The following IRF2 variants were observed in gnomAD, a reference collection of about 807,000 sequenced individuals.
The protein encoded by IRF2 is interferon regulatory factor 2.
A neutral mutation model predicts 40.6 loss-of-function variants in IRF2; 15 were observed. The observed-to-expected ratio is 0.37, with a 90% confidence interval of 0.25 to 0.57. IRF2 has a LOEUF of 0.57. Among genes scored for constraint, IRF2 ranks in the 20% least tolerant of loss-of-function variants. IRF2 has a pLI of 0.77. For synonymous variants in IRF2, 151 were observed against 165.5 expected (o/e 0.91, Z 0.67); for missense variants, 317 against 455.7 (o/e 0.70, Z 2.77).
intron 1 of IRF2, among the ~76,000 whole-genome samples, chr4:184,447,981 C>T (rs1427250128): frequency 2.0e-5 from 3 of 152,110 alleles, no homozygotes; most frequent in South Asian, 2.1e-4. Context: ...TTCTGATGGC[C>T]GTGCCAGGGT....
rs1447797564 is a variant in IRF2, at chr4:184,388,808, C to T, written c.1000G>A (p.Val334Ile). 6.2e-7 allele frequency: 1 copy of T among 1,613,612 alleles called. No homozygotes were observed. Among genetic ancestry groups the T allele is most frequent in the Non-Finnish European group, 8.5e-7 (1 of 1,180,030 alleles). The change falls in exon 9 of 9, where the codon GTC becomes ATC. Residue 334 changes from valine to isoleucine, a missense_variant. By Grantham distance (29) the Val-to-Ile change is conservative. This residue lies in a region of IRF2 where 262 missense variants were observed against 334.0 expected (regional missense o/e 0.78). Coordinates refer to ENST00000393593, the MANE Select transcript of IRF2 (RefSeq NM_002199.4). The surrounding 1 kb of genome is among the most constrained non-coding windows in gnomAD (Gnocchi z 4.6). ...GTGATATCCGATGTTTTCTTGATGA[C>T]GCTGGCCCGGGTCTCCCGGTCTGGC... ...SRPDRETRAS[V>I]IKKTSDITQA... is the part of the protein sequence containing the mutation.
At chr4:184,417,319 A>T (rs1248585899) in intron 5 of IRF2, among the ~76,000 whole-genome samples, 1 of 152,226 alleles carries the variant, frequency 6.6e-6, no homozygotes, top group Non-Finnish European at 1.5e-5. Context: ...TTAGTTAAAA[A>T]TAAAAACTAG....
At chr4:184,424,121 C>A (rs1737583898) in intron 2 of IRF2, among the ~76,000 whole-genome samples, 1 of 152,116 alleles carries the variant, frequency 6.6e-6, no homozygotes, top group Non-Finnish European at 1.5e-5. Flanking sequence ...TAGATACAGG[C>A]ATATGAAAAT....
intron 5 of IRF2, among the ~76,000 whole-genome samples, chr4:184,409,704 G>A (rs1737001459): frequency 6.6e-6 from 1 of 152,038 alleles, no homozygotes; most frequent in African/African-American, 2.4e-5. Context: ...GACCAGCCTG[G>A]GCAACATAGC....
At chr4:184,394,133 A>G (rs533379403) in intron 7 of IRF2, among the ~76,000 whole-genome samples, 1 of 152,334 alleles carries the variant, frequency 6.6e-6, no homozygotes, top group Admixed American at 6.5e-5. Flanking sequence ...GAAGAAGCTG[A>G]AGGTGTTCGT....
At chr4:184,418,136 T>A in intron 5 of IRF2, 31 bp downstream of exon 5, 1 of 1,578,038 alleles carries the variant, frequency 6.3e-7, no homozygotes, top group Non-Finnish European at 8.7e-7. Flanking sequence ...GATCCCAACT[T>A]TGGCTTTCTC....
At chr4:184,447,032 A>G (rs564400522) in intron 1 of IRF2, among the ~76,000 whole-genome samples, 13 of 152,288 alleles carry the variant, frequency 8.5e-5, no homozygotes, top group Admixed American at 7.8e-4. Flanking sequence ...TTGACACTAA[A>G]AGGGCCTGGG....
chr4:184,422,300 T>C (rs182067116), intron 2 of IRF2, among the ~76,000 whole-genome samples: 124 of 152,280 alleles, frequency 8.1e-4, no homozygotes, highest in South Asian at 4.4e-3. Context: ...TTGGTGAGGA[T>C]GTGGAGAAAC....
chr4:184,465,121 A>G (rs1739276212), intron 1 of IRF2, among the ~76,000 whole-genome samples: 2 of 152,196 alleles, frequency 1.3e-5, no homozygotes, highest in African/African-American at 4.8e-5. Context: ...AAGTGAAATC[A>G]TATCTCAAGC....
intron 7 of IRF2, among the ~76,000 whole-genome samples, chr4:184,397,914 G>A (rs1386947417): frequency 6.6e-6 from 1 of 152,172 alleles, no homozygotes; most frequent in Non-Finnish European, 1.5e-5. Flanking sequence ...CTTTTACTCT[G>A]GAAGAATGGA....
chr4:184,467,442 T>G (rs547448068), intron 1 of IRF2, among the ~76,000 whole-genome samples: 131 of 152,332 alleles, frequency 8.6e-4, no homozygotes, highest in African/African-American at 3.0e-3. Flanking sequence ...TATCTAGGTG[T>G]TAAGACACTC....
chr4:184,399,170 G>A (rs1736578861), intron 6 of IRF2, 91 bp from the exon 7 acceptor site: 1 of 1,359,840 alleles, frequency 7.4e-7, no homozygotes, highest in Non-Finnish European at 9.9e-7. Context: ...AAAAGAGCCA[G>A]GTCGCCAGGC....
intron 2 of IRF2, chr4:184,428,642 T>C (rs1737756193): frequency 2.2e-6 from 1 of 449,666 alleles, no homozygotes; most frequent in African/African-American, 2.0e-5. Flanking sequence ...TACAAAAAAA[T>C]ACAAAAATTG....
At chr4:184,405,223 A>G (rs978762942) in intron 6 of IRF2, among the ~76,000 whole-genome samples, 9 of 152,176 alleles carry the variant, frequency 5.9e-5, no homozygotes, top group African/African-American at 1.9e-4. Flanking sequence ...CAGCCTGGGC[A>G]ACAGAGTGAA....
rs1359718315 is a variant in IRF2, at chr4:184,398,957, C to T, written c.652G>A (p.Glu218Lys). 11 of 1,613,004 alleles carry T rather than the reference C, an allele frequency of 6.8e-6. No homozygotes were observed. Among genetic ancestry groups the T allele is most frequent in the Admixed American group, 1.7e-5 (1 of 59,892 alleles). The change falls in exon 7 of 9, where the codon GAG becomes AAG. Residue 218 changes from glutamate (E) to lysine (K), a missense_variant. Physicochemically the swap from Glu to Lys is moderately conservative, Grantham distance 56. Coordinates refer to ENST00000393593, the MANE Select transcript of IRF2 (RefSeq NM_002199.4). The stretch of plus-strand genomic sequence containing the variant: ...GGGGAGATCTGCAGAGGGTAGAGCT[C>T]GCTCATGCTGACCGGCTGCTCGTCG... ...ESDEQPVSMS[E>K]LYPLQISPVS...
intron 1 of IRF2, among the ~76,000 whole-genome samples, chr4:184,453,697 A>G (rs1341828932): frequency 6.6e-6 from 1 of 152,238 alleles, no homozygotes; most frequent in Admixed American, 6.5e-5. Flanking sequence ...GCACGTGGGA[A>G]AAGGGTAGAC....
intron 5 of IRF2, among the ~76,000 whole-genome samples, chr4:184,416,769 A>G (rs1737292356): frequency 6.6e-6 from 1 of 152,194 alleles, no homozygotes; most frequent in Admixed American, 6.5e-5. Flanking sequence ...TTTGGGGCCG[A>G]GTGCCGTGGC....
At position 184,393,444 on chromosome 4, in the gene IRF2, C is replaced by T. The variant is rs150720952; in HGVS notation, c.695-2695G>A. On this transcript the variant is annotated intron_variant, in intron 7 of 8. Transcript: ENST00000393593. ...TCCAAATACAAACAAAGATACGCAACCAAGCATGCTTTGGGGGCTGGGATT... is the reference window on the plus strand; with the variant it reads ...TCCAAATACAAACAAAGATACGCAATCAAGCATGCTTTGGGGGCTGGGATT... Among the ~76,000 whole-genome samples, 1,337 of 152,270 alleles carry T rather than the reference C, an allele frequency of 8.8e-3. 10 individuals are homozygous for T. Among genetic ancestry groups the T allele is most frequent in the Non-Finnish European group, 0.014 (940 of 68,022 alleles).
At chr4:184,461,567 C>T (rs1739145625) in intron 1 of IRF2, among the ~76,000 whole-genome samples, 2 of 152,252 alleles carry the variant, frequency 1.3e-5, no homozygotes, top group South Asian at 2.1e-4. Context: ...AATTTTCTTT[C>T]GTTTTATACC....
Sources: allele counts gnomAD v4.1 joint callset (sites outside exome capture counted in the v4.1 genomes callset), GRCh38; gene constraint gnomAD v4.1.1; regional missense constraint gnomAD v4.1.1; non-coding constraint Gnocchi (gnomAD v3.1); transcripts MANE v1.5; gene names NCBI Gene and HGNC (gene_info 2026-07-23, HGNC 2026-07-21).